Variants in FRAS1 observed in about 807,000 individuals in gnomAD.
FRAS1 encodes extracellular matrix organizing protein FRAS1.
Under a neutral mutation model 435.2 loss-of-function variants are expected in FRAS1, and 290 were observed. The observed-to-expected ratio is 0.67, with a 90% CI of 0.61 to 0.73. The LOEUF (loss-of-function observed/expected upper bound fraction) is 0.73, where lower values mean the gene tolerates loss of function less well. FRAS1 is among the 30% of genes least tolerant of loss of function. The pLI is 0.00. For missense variants in FRAS1, 4,860 were observed against 5,001.5 expected (o/e 0.97, Z 0.85); for synonymous variants, 1,800 against 1,851.0 (o/e 0.97, Z 0.71).
intron 2 of FRAS1, chr4:78,181,873 C>A (rs1234599920): frequency 1.2e-6 from 2 of 1,611,788 alleles, no homozygotes; most frequent in East Asian, 2.2e-5. Context: ...TGGTCTGGGC[C>A]GCCGCCTGAG....
intron 18 of FRAS1, among the ~76,000 whole-genome samples, chr4:78,325,748 GC>G (rs1729692841): frequency 1.3e-5 from 2 of 152,204 alleles, no homozygotes; most frequent in African/African-American, 2.4e-5. Flanking sequence ...TGCCATAATA[GC>G]AGTAGTCACA....
intron 23 of FRAS1, among the ~76,000 whole-genome samples, chr4:78,371,130 T>C (rs1731491572): frequency 6.7e-6 from 1 of 150,170 alleles, no homozygotes; most frequent in Non-Finnish European, 1.5e-5. Context: ...TAGCTGTCAG[T>C]TTGTGGTGAA....
intron 59 of FRAS1, among the ~76,000 whole-genome samples, chr4:78,489,664 T>C (rs1382143249): frequency 6.6e-6 from 1 of 152,156 alleles, no homozygotes; most frequent in Non-Finnish European, 1.5e-5. Flanking sequence ...ATATCATTGG[T>C]TGATCTGAGA....
chr4:78,307,360 G>A (rs886400214), intron 14 of FRAS1, among the ~76,000 whole-genome samples: 33 of 152,258 alleles, frequency 2.2e-4, no homozygotes, highest in Admixed American at 1.5e-3. Context: ...TATAGAGGCA[G>A]GCAGGCCTCC....
intron 38 of FRAS1, among the ~76,000 whole-genome samples, chr4:78,433,164 G>A (rs1734278414): frequency 6.6e-6 from 1 of 152,122 alleles, no homozygotes; most frequent in Non-Finnish European, 1.5e-5. Flanking sequence ...GCCAAGGAGA[G>A]GATCAAGGAC....
intron 2 of FRAS1, among the ~76,000 whole-genome samples, chr4:78,182,464 G>C (rs577670891): frequency 5.1e-4 from 78 of 152,180 alleles, no homozygotes; most frequent in Admixed American, 1.2e-3. Context: ...TATTTTCCTG[G>C]GTGGATGATG....
At chr4:78,507,998 A>G (rs542395837) in intron 62 of FRAS1, among the ~76,000 whole-genome samples, 2 of 152,374 alleles carry the variant, frequency 1.3e-5, no homozygotes, top group African/African-American at 2.4e-5. Context: ...GATAGAAAAT[A>G]CAATACAATT....
At chr4:78,292,979 A>G (rs1461861248) in intron 14 of FRAS1, among the ~76,000 whole-genome samples, 2 of 152,132 alleles carry the variant, frequency 1.3e-5, no homozygotes, top group Non-Finnish European at 1.5e-5. Flanking sequence ...TGTTGCTTCA[A>G]GTGGTATCTC....
Position 78,117,657 on chromosome 4 carries a change from C to T in FRAS1, c.108+51641C>T, listed in dbSNP as rs541393969. On this transcript the variant is annotated intron_variant, in intron 2 of 73. Coordinates refer to ENST00000512123, the MANE Select transcript of FRAS1 (RefSeq NM_025074.7). ...AGGCTTGCATTCATCATGTAGTTCT[C>T]GTGCCATGGTTTTCAGCTCCATCAG... 7.9e-5 allele frequency among the ~76,000 whole-genome samples: 12 copies of T among 152,284 alleles called. No homozygotes were observed. The East Asian group carries it at 1.5e-3, about 20-fold the overall frequency.
At chr4:78,534,650 T>C (rs781052256) in intron 71 of FRAS1, 35 bp downstream of exon 71, 4 of 1,598,558 alleles carry the variant, frequency 2.5e-6, no homozygotes, top group Non-Finnish European at 3.4e-6. Flanking sequence ...AAAGAGGCTC[T>C]GCCTGGATAT....
At chr4:78,454,932 A>T (rs1305820052) in intron 47 of FRAS1, among the ~76,000 whole-genome samples, 1 of 152,190 alleles carries the variant, frequency 6.6e-6, no homozygotes, top group Non-Finnish European at 1.5e-5. Context: ...TCCTCCTGGA[A>T]CAGCACCCTC....
chr4:78,323,949 A>T (rs931653865), intron 18 of FRAS1, among the ~76,000 whole-genome samples: 1 of 152,152 alleles, frequency 6.6e-6, no homozygotes, highest in Non-Finnish European at 1.5e-5. Context: ...TTAAAGATTC[A>T]GTCGGGTGGG....
At chr4:78,450,959 A>C (rs1397220112) in intron 45 of FRAS1, among the ~76,000 whole-genome samples, 3 of 148,708 alleles carry the variant, frequency 2.0e-5, no homozygotes, top group Non-Finnish European at 4.4e-5. Flanking sequence ...TTCTGTTTAG[A>C]AGTGGAAATA....
In FRAS1 at chr4:78,448,186, C is replaced by A. The variant is rs752912387; in HGVS notation, c.6144C>A (p.Val2048=). Residue 2048 remains valine, a synonymous_variant, in exon 44 of 74, where the codon GTC becomes GTA. Coordinates refer to ENST00000512123, the MANE Select transcript of FRAS1 (RefSeq NM_025074.7). ...ATGTGCCTAGTGTCCCTGGCATGGT[C>A]GTGGATGAGTTCCAGTTCTCCCTCA... The part of the protein sequence containing the change: ...VGYVPSVPGM[V]VDEFQFSLTD... 1.2e-6 allele frequency: 2 copies of A among 1,613,484 alleles called. No individual in the cohort carries two copies. Among genetic ancestry groups the A allele is most frequent in the Non-Finnish European group, 1.7e-6 (2 of 1,179,802 alleles).
chr4:78,363,456 T>A (rs571116459), intron 20 of FRAS1, 57 bp from the exon 21 acceptor site: 1 of 1,531,744 alleles, frequency 6.5e-7, no homozygotes, highest in Admixed American at 1.8e-5. Flanking sequence ...TGTGCAGTGA[T>A]GAGACTTTGT....
chr4:78,490,559 G>C (rs1262922841), intron 59 of FRAS1, among the ~76,000 whole-genome samples: 3 of 151,998 alleles, frequency 2.0e-5, no homozygotes, highest in Non-Finnish European at 2.9e-5. Flanking sequence ...ATGACTACTG[G>C]GTAAATAACA....
In FRAS1 at chr4:78,057,553, A is replaced by T. The variant is rs115611111; in HGVS notation, c.-457A>T. On this transcript the variant is annotated 5_prime_UTR_variant, in exon 1 of 74. Coordinates refer to ENST00000512123, the MANE Select transcript of FRAS1 (RefSeq NM_025074.7). The surrounding 1 kb of genome is among the most constrained non-coding windows in gnomAD (Gnocchi z 4.2). ...GACCCGCGGTGCCGACGCAACGCCG[A>T]CGTATGGTGCCAAGCGAACTTTAAA... The T allele has an allele frequency of 0.011, 1,733 of 158,104 alleles. 36 individuals carry two copies. Among genetic ancestry groups the T allele is most frequent in the African/African-American group, 0.04 (1,660 of 41,734 alleles). 9.8% of individuals were successfully genotyped at this position (158,104 alleles called of 1,614,324 possible). A position where few individuals can be genotyped will look rare whatever the true frequency, so the allele number is the denominator to read the frequency against.
In FRAS1 at chr4:78,196,498, G is replaced by T. The variant is rs558882386; in HGVS notation, c.109-41012G>T. Among the ~76,000 whole-genome samples the T allele has an allele frequency of 3.9e-5, 6 of 152,222 alleles. No individual in the cohort carries two copies. In the East Asian group the frequency reaches 1.2e-3, roughly 29 times the overall value. On this transcript the variant is annotated intron_variant, in intron 2 of 73. Transcript: ENST00000512123. ...AAACCTTACTAGAGGTCTTTGGAAA[G>T]ATTAAATTATATACTTTAGAATAAT...
intron 22 of FRAS1, among the ~76,000 whole-genome samples, chr4:78,369,082 G>A (rs1731393343): frequency 6.6e-6 from 1 of 152,228 alleles, no homozygotes; most frequent in African/African-American, 2.4e-5. Context: ...AGGGGATGAT[G>A]ATGGCTTAGA....
Sources: gnomAD v4.1 joint callset for allele counts (sites outside exome capture counted in the v4.1 genomes callset) on GRCh38, gnomAD v4.1.1 for gene constraint, Gnocchi (gnomAD v3.1) non-coding constraint, MANE v1.5 for transcripts, NCBI Gene and HGNC (gene_info 2026-07-23, HGNC 2026-07-21) for gene names.